Variants in SRSF12 observed in about 807,000 individuals in gnomAD.
SRSF12 encodes the protein serine and arginine rich splicing factor 12.
In SRSF12, 21 loss-of-function variants were observed where a neutral mutation model predicts 34.1. The observed-to-expected ratio is 0.62, with a 90% confidence interval of 0.44 to 0.89. The LOEUF (loss-of-function observed/expected upper bound fraction) is 0.89, where lower values mean the gene tolerates loss of function less well. Among genes scored for constraint, SRSF12 ranks in the 40% least tolerant of loss-of-function variants. The pLI is 0.00. For missense variants in SRSF12, 278 were observed against 327.8 expected (o/e 0.85, Z 1.17); for synonymous variants, 111 against 110.8 (o/e 1.00, Z -0.01).
Position 89,098,535 on chromosome 6 carries a change from A to G in SRSF12, c.*43T>C, listed in dbSNP as rs1768358479. On this transcript the variant is annotated 3_prime_UTR_variant, in exon 5 of 5. Coordinates refer to ENST00000452027, the MANE Select transcript of SRSF12 (RefSeq NM_080743.5). Reference sequence around the variant, plus strand: ...TTTTATTTAACATAATGAGAGTTTAATAACTTATATTAAAGACGGCGTGGT... The same window carrying G: ...TTTTATTTAACATAATGAGAGTTTAGTAACTTATATTAAAGACGGCGTGGT... The G allele has an allele frequency of 6.5e-7, 1 of 1,539,114 alleles. No individual in the cohort carries two copies.
At chr6:89,112,610 C>G (rs1186651776) in intron 1 of SRSF12, among the ~76,000 whole-genome samples, 1 of 151,590 alleles carries the variant, frequency 6.6e-6, no homozygotes, top group Non-Finnish European at 1.5e-5. Context: ...TGAGGCCTTG[C>G]TATGTTGCCC....
chr6:89,115,471 G>A (rs1436395698), intron 1 of SRSF12, among the ~76,000 whole-genome samples: 1 of 151,658 alleles, frequency 6.6e-6, no homozygotes, highest in Non-Finnish European at 1.5e-5. Context: ...TAGTACAGAC[G>A]GGGTTTCACC....
chr6:89,106,857 C>T (rs1332036275), intron 2 of SRSF12: 4 of 408,250 alleles, frequency 9.8e-6, no homozygotes, highest in Non-Finnish European at 1.9e-5. Flanking sequence ...TTGATAAAGA[C>T]TTCCCCTCTT....
At position 89,098,506 on chromosome 6, in the gene SRSF12, G is replaced by T; in HGVS notation, c.*72C>A. ...ACTCGCATTTTCTGTATGCCTTAAA[G>T]AATTTTTATTTAACATAATGAGAGT... On this transcript the variant is annotated 3_prime_UTR_variant, in exon 5 of 5. Transcript: ENST00000452027. 2.0e-6 allele frequency: 3 copies of T among 1,492,360 alleles called. No individual in the cohort carries two copies. Among genetic ancestry groups the T allele is most frequent in the Non-Finnish European group, 2.7e-6 (3 of 1,122,624 alleles). The allele number at this position is 1,492,360 out of a possible 1,614,324, so 92.4% of individuals were successfully genotyped here. A position where few individuals can be genotyped will look rare whatever the true frequency, so the allele number is the denominator to read the frequency against.
chr6:89,111,362 C>G (rs1328204023), intron 1 of SRSF12, among the ~76,000 whole-genome samples: 1 of 152,130 alleles, frequency 6.6e-6, no homozygotes, highest in Non-Finnish European at 1.5e-5. Context: ...TGCAAAGGTT[C>G]TGCACATTTT....
rs1769387383 is a variant in SRSF12 at position 89,117,827 on chromosome 6, T to C, written c.61A>G (p.Thr21Ala). 1.3e-6 allele frequency: 2 copies of C among 1,556,854 alleles called. No homozygotes were observed. Among genetic ancestry groups the C allele is most frequent in the Non-Finnish European group, 1.7e-6 (2 of 1,154,316 alleles). The change falls in exon 1 of 5, where the codon ACC becomes GCC. Residue 21 changes from threonine to alanine, a missense_variant. Physicochemically the swap from Thr to Ala is moderately conservative, Grantham distance 58. Transcript: ENST00000452027. Reference protein sequence around the residue: ...SLFIRNVADATRPEDLRREFG... With the variant: ...SLFIRNVADAARPEDLRREFG... ...CCTGCAGCCGCGGCCGTTCACCTGGTGGCGTCCGCGACGTTCCTGATGAAC... is the reference window on the plus strand; with the variant it reads ...CCTGCAGCCGCGGCCGTTCACCTGGCGGCGTCCGCGACGTTCCTGATGAAC...
intron 4 of SRSF12, among the ~76,000 whole-genome samples, chr6:89,102,703 T>C (rs1031304711): frequency 4.0e-4 from 61 of 152,332 alleles, no homozygotes; most frequent in Non-Finnish European, 4.1e-4. Context: ...TTCCTTGATA[T>C]AAAGTTAACA....
At chr6:89,116,525 A>G (rs1562212203) in intron 1 of SRSF12, among the ~76,000 whole-genome samples, 3 of 152,188 alleles carry the variant, frequency 2.0e-5, no homozygotes. Context: ...CTGTAATCTC[A>G]GCGCTTTGGG....
At chr6:89,114,892 G>T (rs906959471) in intron 1 of SRSF12, among the ~76,000 whole-genome samples, 4 of 152,032 alleles carry the variant, frequency 2.6e-5, no homozygotes, top group South Asian at 2.1e-4. Flanking sequence ...CACCTCCCGG[G>T]TTCAAGCGAT....
chr6:89,106,038 C>T (rs537005644), intron 2 of SRSF12: 3 of 152,318 alleles, frequency 2.0e-5, no homozygotes, highest in South Asian at 4.1e-4. Context: ...CAAAACTGCA[C>T]ATATACAAGT....
chr6:89,107,931 T>C (rs567463318), intron 1 of SRSF12, among the ~76,000 whole-genome samples: 88 of 152,292 alleles, frequency 5.8e-4, no homozygotes, highest in Middle Eastern at 3.4e-3. Context: ...ACCTAATAAG[T>C]AATTGTTTCA....
In SRSF12 at chr6:89,098,392, A is replaced by G. The variant is rs1768353157; in HGVS notation, c.*186T>C. ...TGACATTAGACAAATCATAATTTGT[A>G]GTGTGGGCCCTTTAAATGGAGACCA... On this transcript the variant is annotated 3_prime_UTR_variant, in exon 5 of 5. Transcript: ENST00000452027. The G allele has an allele frequency of 1.7e-6, 1 of 599,890 alleles. No homozygotes were observed. The highest frequency in any genetic ancestry group is 3.8e-5 in the Admixed American group (1 of 26,320). 37.2% of individuals were successfully genotyped at this position (599,890 alleles called of 1,614,324 possible).
At chr6:89,104,955 C>T (rs1259316804) in intron 4 of SRSF12, among the ~76,000 whole-genome samples, 164 bp downstream of exon 4, 1 of 151,990 alleles carries the variant, frequency 6.6e-6, no homozygotes, top group Non-Finnish European at 1.5e-5. Flanking sequence ...ACTTGGGAGG[C>T]TGAGGTGAGA....
chr6:89,101,015 G>A (rs1181569817), intron 4 of SRSF12, among the ~76,000 whole-genome samples: 1 of 149,352 alleles, frequency 6.7e-6, no homozygotes, highest in Non-Finnish European at 1.5e-5. Context: ...TGAGGCAAGA[G>A]AATCAATCAC....
chr6:89,103,616 C>G (rs1768638643), intron 4 of SRSF12, among the ~76,000 whole-genome samples: 1 of 152,284 alleles, frequency 6.6e-6, no homozygotes, highest in East Asian at 1.9e-4. Flanking sequence ...CAGGCGTAAG[C>G]CACTGCGCCT....
At position 89,117,981 on chromosome 6, in the gene SRSF12, C is replaced by A. The variant is rs866267236; in HGVS notation, c.-94G>T. The A allele has an allele frequency of 5.3e-5, 71 of 1,351,734 alleles. No homozygotes were observed. The highest frequency in any genetic ancestry group is 2.2e-4 in the Middle Eastern group (1 of 4,566). The allele number at this position is 1,351,734 out of a possible 1,614,324, so 83.7% of individuals were successfully genotyped here. A position where few individuals can be genotyped will look rare whatever the true frequency, so the allele number is the denominator to read the frequency against. Reference sequence around the variant, plus strand: ...GCTACCACCACAGGAGCTCCGCCGGCCCCCGGCGCGACCCCCACCCCTCGG... The same window carrying A: ...GCTACCACCACAGGAGCTCCGCCGGACCCCGGCGCGACCCCCACCCCTCGG... On this transcript the variant is annotated 5_prime_UTR_variant, in exon 1 of 5. Coordinates refer to ENST00000452027, the MANE Select transcript of SRSF12 (RefSeq NM_080743.5).
chr6:89,111,691 G>C (rs1475858769), intron 1 of SRSF12, among the ~76,000 whole-genome samples: 1 of 152,092 alleles, frequency 6.6e-6, no homozygotes, highest in Non-Finnish European at 1.5e-5. Flanking sequence ...GGTTGTGAGT[G>C]GCAATCTTTT....
intron 1 of SRSF12, among the ~76,000 whole-genome samples, chr6:89,113,451 C>T (rs879631281): frequency 6.6e-6 from 1 of 152,054 alleles, no homozygotes; most frequent in South Asian, 2.1e-4. Flanking sequence ...GGATTATAGG[C>T]GTGAGCCACC....
intron 1 of SRSF12, among the ~76,000 whole-genome samples, chr6:89,113,222 T>C (rs1769137675): frequency 6.6e-6 from 1 of 152,202 alleles, no homozygotes; most frequent in African/African-American, 2.4e-5. Flanking sequence ...TCACCCAGGC[T>C]GGAGTGCAGT....
Sources: gnomAD v4.1 joint callset for allele counts (sites outside exome capture counted in the v4.1 genomes callset) on GRCh38, gnomAD v4.1.1 for gene constraint, MANE v1.5 for transcripts, NCBI Gene and HGNC (gene_info 2026-07-23, HGNC 2026-07-21) for gene names.